The following NXPE4 variants were observed in gnomAD, a reference collection of about 807,000 sequenced individuals.
NXPE4 encodes NXPE family member 4.
A neutral mutation model predicts 33.3 loss-of-function variants in NXPE4; 42 were observed. That is an observed-to-expected ratio of 1.26 (90% CI 0.98 to 1.63). NXPE4 has a LOEUF of 1.63. Ranked by LOEUF, NXPE4 falls within the 40% of genes most tolerant of loss-of-function variation. The pLI, the probability that NXPE4 is intolerant of heterozygous loss-of-function variation, is 0.00. For missense variants in NXPE4, 709 were observed against 647.6 expected (o/e 1.09, Z -1.03); for synonymous variants, 253 against 234.9 (o/e 1.08, Z -0.71).
the NXPE4 span, among the ~76,000 whole-genome samples, chr11:114,664,780 C>A: frequency 6.6e-6 from 1 of 152,144 alleles, no homozygotes. Context: ...GTAGGATACT[C>A]TCTTGGGAGG....
the NXPE4 span, among the ~76,000 whole-genome samples, chr11:114,663,504 G>A: frequency 9.2e-5 from 14 of 152,092 alleles, no homozygotes; most frequent in African/African-American, 3.4e-4. Context: ...CCACCCTTCA[G>A]TAGGGGTGTA....
At chr11:114,583,581 G>C (rs570153102) in intron 2 of NXPE4, 2 of 595,386 alleles carry the variant, frequency 3.4e-6, no homozygotes, top group Admixed American at 3.7e-5. Flanking sequence ...TTTGACTTCT[G>C]TCAGTTGTCT....
At chr11:114,658,055 T>C in the NXPE4 span, among the ~76,000 whole-genome samples, 480 of 152,316 alleles carry the variant, frequency 3.2e-3, 1 homozygote, top group African/African-American at 0.011. Flanking sequence ...TTTTGTTCCC[T>C]TTAAAATAAA....
At chr11:114,614,840 C>A in the NXPE4 span, among the ~76,000 whole-genome samples, 1 of 146,890 alleles carries the variant, frequency 6.8e-6, no homozygotes, top group South Asian at 2.2e-4. Flanking sequence ...TGGTGGATAA[C>A]AAGTGTTGCC....
chr11:114,632,699 T>TATATAATATA, the NXPE4 span, among the ~76,000 whole-genome samples: 3 of 71,954 alleles, frequency 4.2e-5, no homozygotes, highest in Non-Finnish European at 7.1e-5. Flanking sequence ...TTTATATATT[T>TATATAATATA]ATATAATATA....
At chr11:114,665,298 A>C in the NXPE4 span, among the ~76,000 whole-genome samples, 7 of 152,114 alleles carry the variant, frequency 4.6e-5, no homozygotes, top group South Asian at 1.4e-3. Flanking sequence ...TCTCCCCCAC[A>C]ATCTCTCTAA....
chr11:114,634,974 A>G, the NXPE4 span, among the ~76,000 whole-genome samples: 2 of 151,990 alleles, frequency 1.3e-5, no homozygotes, highest in East Asian at 1.9e-4. Context: ...TATGAACTTT[A>G]AAGTAGTTTT....
At chr11:114,613,028 T>C in the NXPE4 span, among the ~76,000 whole-genome samples, 1 of 151,946 alleles carries the variant, frequency 6.6e-6, no homozygotes, top group East Asian at 1.9e-4. Context: ...GGGTAACCAC[T>C]GTTACCTGGT....
At chr11:114,652,148 G>C in the NXPE4 span, among the ~76,000 whole-genome samples, 1 of 152,186 alleles carries the variant, frequency 6.6e-6, no homozygotes, top group African/African-American at 2.4e-5. Context: ...ACTCTAGTAA[G>C]ATTCAGGATG....
chr11:114,651,168 G>T, the NXPE4 span, among the ~76,000 whole-genome samples: 1 of 152,120 alleles, frequency 6.6e-6, no homozygotes, highest in Non-Finnish European at 1.5e-5. Context: ...CTTACTTCAA[G>T]AATGAAGCCG....
At chr11:114,603,545 A>T in the NXPE4 span, among the ~76,000 whole-genome samples, 390 of 63,820 alleles carry the variant, frequency 6.1e-3, no homozygotes, top group Middle Eastern at 0.029. Context: ...TAACTCCTGT[A>T]ACTTGGTGGA....
Position 114,570,836 on chromosome 11 carries a change from T to C in NXPE4, c.*102A>G, listed in dbSNP as rs1468897303. ...CAGCCATAATGTAGATTCTCTGCTC[T>C]TGCTAGTTGGGAATTCAGAGCCAAA... On this transcript the variant is annotated 3_prime_UTR_variant, in exon 6 of 6. Coordinates refer to ENST00000375478, the MANE Select transcript of NXPE4 (RefSeq NM_001077639.2). 18 of 741,096 alleles carry C rather than the reference T, an allele frequency of 2.4e-5. No individual in the cohort carries two copies. The highest frequency in any genetic ancestry group is 1.3e-5 in the Non-Finnish European group (6 of 457,980). 45.9% of individuals were successfully genotyped at this position (741,096 alleles called of 1,614,324 possible).
chr11:114,669,587 C>G, the NXPE4 span, among the ~76,000 whole-genome samples: 150,450 of 152,160 alleles, frequency 0.99, 74,402 homozygotes, highest in Middle Eastern at 1. Context: ...CTGAGAATAC[C>G]AAGCTCCAAT....
At chr11:114,601,876 A>T in the NXPE4 span, among the ~76,000 whole-genome samples, 14 of 4,644 alleles carry the variant, frequency 3.0e-3, no homozygotes, top group Non-Finnish European at 3.7e-3. Context: ...TATATATATT[A>T]TATATAATTA....
At chr11:114,599,823 C>A (rs1356185041), upstream of NXPE4, among the ~76,000 whole-genome samples, 1 of 152,108 alleles carries the variant, frequency 6.6e-6, no homozygotes, top group Non-Finnish European at 1.5e-5. Context: ...GATCCAATTA[C>A]GTCCTACCAG....
the NXPE4 span, among the ~76,000 whole-genome samples, chr11:114,626,944 T>C: frequency 6.6e-6 from 1 of 150,764 alleles, no homozygotes; most frequent in African/African-American, 2.4e-5. Flanking sequence ...ATGAATGAAA[T>C]GAAGTGAGAA....
intron 1 of NXPE4, among the ~76,000 whole-genome samples, chr11:114,595,310 A>T (rs1949554824): frequency 1.3e-5 from 2 of 152,168 alleles, no homozygotes; most frequent in Admixed American, 6.5e-5. Context: ...TTTCTTACTT[A>T]AAAAAATTTC....
the NXPE4 span, among the ~76,000 whole-genome samples, chr11:114,631,844 GATA>G: frequency 3.6e-4 from 55 of 151,030 alleles, 1 homozygote; most frequent in South Asian, 2.1e-4. Context: ...TTACCCGGTG[GATA>G]ATAAGTATTG....
intron 5 of NXPE4, among the ~76,000 whole-genome samples, chr11:114,575,323 T>C (rs1384303020): frequency 1.3e-5 from 2 of 152,034 alleles, no homozygotes; most frequent in African/African-American, 4.8e-5. Context: ...TTCAACATAG[T>C]ACTGGAAGTC....
Sources: gnomAD v4.1 joint callset for allele counts (sites outside exome capture counted in the v4.1 genomes callset) on GRCh38, gnomAD v4.1.1 for gene constraint, MANE v1.5 for transcripts, NCBI Gene and HGNC (gene_info 2026-07-23, HGNC 2026-07-21) for gene names.